Variants in XKR4 observed in about 807,000 individuals in gnomAD.
XKR4 encodes XK related 4, also known as XK-related protein 4.
A neutral mutation model predicts 53.9 loss-of-function variants in XKR4; 12 were observed. The ratio of observed to expected loss-of-function variants is 0.22; its 90% CI spans 0.14 to 0.36. The LOEUF (loss-of-function observed/expected upper bound fraction) is 0.36. Among genes scored for constraint, XKR4 ranks in the 10% least tolerant of loss-of-function variants. The pLI is 1.00. For missense variants in XKR4, 799 were observed against 859.5 expected, an observed-to-expected ratio of 0.93 and a Z score of 0.88; for synonymous variants, 354 against 362.4, an observed-to-expected ratio of 0.98 and a Z score of 0.26.
chr8:55,466,176 A>T (rs1350105039), intron 2 of XKR4, among the ~76,000 whole-genome samples: 1 of 152,156 alleles, frequency 6.6e-6, no homozygotes, highest in Admixed American at 6.5e-5. Flanking sequence ...TGCTATAAAG[A>T]CACATGCATA....
chr8:55,294,081 CA>C (rs1486005006), intron 1 of XKR4, among the ~76,000 whole-genome samples: 1 of 152,200 alleles, frequency 6.6e-6, no homozygotes, highest in Non-Finnish European at 1.5e-5. Context: ...AGCCTTCTAT[CA>C]ACTTACCTTG....
chr8:55,330,350 A>C (rs1803365494), intron 1 of XKR4, among the ~76,000 whole-genome samples: 1 of 152,166 alleles, frequency 6.6e-6, no homozygotes, highest in African/African-American at 2.4e-5. Flanking sequence ...AATTAGAAAA[A>C]TAAAATTATC....
intron 2 of XKR4, among the ~76,000 whole-genome samples, chr8:55,422,898 G>A (rs1804955961): frequency 6.6e-6 from 1 of 152,186 alleles, no homozygotes; most frequent in African/African-American, 2.4e-5. Flanking sequence ...ATAAATGGGT[G>A]ATGGATTGCC....
intron 1 of XKR4, among the ~76,000 whole-genome samples, chr8:55,265,122 G>A (rs1037965865): frequency 1.3e-5 from 2 of 152,192 alleles, no homozygotes; most frequent in African/African-American, 4.8e-5. Flanking sequence ...ATCCTGTCAA[G>A]GAGAAGCTAT....
intron 1 of XKR4, among the ~76,000 whole-genome samples, chr8:55,329,277 C>T (rs1324255271): frequency 6.6e-6 from 1 of 152,104 alleles, no homozygotes; most frequent in Non-Finnish European, 1.5e-5. Context: ...GAGTCTTAAG[C>T]TTGTTTAACC....
At chr8:55,398,876 G>A (rs1300619540) in intron 2 of XKR4, among the ~76,000 whole-genome samples, 1 of 152,136 alleles carries the variant, frequency 6.6e-6, no homozygotes, top group South Asian at 2.1e-4. Flanking sequence ...CGTTGCTTTC[G>A]AATATTATCA....
intron 1 of XKR4, among the ~76,000 whole-genome samples, chr8:55,227,700 A>T (rs924598583): frequency 6.6e-6 from 1 of 152,228 alleles, no homozygotes; most frequent in Non-Finnish European, 1.5e-5. Context: ...GCCTGAGACC[A>T]GGTGGAGACA....
intron 2 of XKR4, among the ~76,000 whole-genome samples, chr8:55,466,491 G>C (rs2939652): frequency 0.41 from 62,308 of 151,770 alleles, 13,470 homozygotes; most frequent in East Asian, 0.53. Context: ...GTTATGGAGT[G>C]GGGGGAGGGG....
At chr8:55,508,035 G>A (rs985468431) in intron 2 of XKR4, among the ~76,000 whole-genome samples, 1 of 152,136 alleles carries the variant, frequency 6.6e-6, no homozygotes, top group Non-Finnish European at 1.5e-5. Context: ...AGCCTTGAAT[G>A]TGGAATTGGT....
At chr8:55,492,625 C>A (rs1806287218) in intron 2 of XKR4, among the ~76,000 whole-genome samples, 1 of 152,208 alleles carries the variant, frequency 6.6e-6, no homozygotes, top group Admixed American at 6.5e-5. Flanking sequence ...GGCCCACATT[C>A]CTGAATGCAA....
intron 2 of XKR4, among the ~76,000 whole-genome samples, chr8:55,470,486 G>A (rs576195417): frequency 6.0e-4 from 91 of 152,220 alleles, no homozygotes; most frequent in Admixed American, 7.2e-4. Context: ...CTGCCGCCAC[G>A]TGAGACATGT....
chr8:55,361,056 A>G (rs1167018293), intron 2 of XKR4, among the ~76,000 whole-genome samples: 2 of 152,206 alleles, frequency 1.3e-5, no homozygotes, highest in African/African-American at 2.4e-5. Flanking sequence ...CACATTGGAC[A>G]TATTACAGGG....
chr8:55,449,377 A>C, intron 2 of XKR4: 1 of 608,714 alleles, frequency 1.6e-6, no homozygotes, highest in Non-Finnish European at 3.0e-6. Flanking sequence ...CTGTACACAC[A>C]AGTGCTGGGG....
chr8:55,280,421 A>C (rs896417340), intron 1 of XKR4, among the ~76,000 whole-genome samples: 5 of 152,184 alleles, frequency 3.3e-5, no homozygotes, highest in Non-Finnish European at 7.3e-5. Context: ...AGTAGCAAAC[A>C]CCCTGCTGTC....
intron 1 of XKR4, among the ~76,000 whole-genome samples, chr8:55,118,348 G>A (rs1476371401): frequency 3.3e-5 from 5 of 152,088 alleles, no homozygotes; most frequent in Non-Finnish European, 5.9e-5. Context: ...GTCATGCTTT[G>A]CATATACTAG....
chr8:55,315,419 C>T (rs1176490162), intron 1 of XKR4, among the ~76,000 whole-genome samples: 4 of 152,184 alleles, frequency 2.6e-5, no homozygotes, highest in African/African-American at 7.2e-5. Context: ...TGTGTGGCAG[C>T]GCCTAACCTG....
chr8:55,277,623 G>A (rs991856666), intron 1 of XKR4, among the ~76,000 whole-genome samples: 2 of 152,090 alleles, frequency 1.3e-5, no homozygotes, highest in Admixed American at 1.3e-4. Context: ...GTCAGGTGTG[G>A]AATTTTCTAC....
chr8:55,266,217 C>T (rs1449132744), intron 1 of XKR4, among the ~76,000 whole-genome samples: 1 of 151,302 alleles, frequency 6.6e-6, no homozygotes, highest in Non-Finnish European at 1.5e-5. Context: ...AACATGGGAG[C>T]AGGTATGAGG....
chr8:55,268,058 C>G (rs1321233214), intron 1 of XKR4, among the ~76,000 whole-genome samples: 1 of 152,150 alleles, frequency 6.6e-6, no homozygotes, highest in East Asian at 1.9e-4. Flanking sequence ...TGCAGTTGGG[C>G]TCTGTCCTAT....
Sources: gnomAD v4.1 joint callset for allele counts (sites outside exome capture counted in the v4.1 genomes callset) on GRCh38, gnomAD v4.1.1 for gene constraint, MANE v1.5 for transcripts, NCBI Gene and HGNC (gene_info 2026-07-23, HGNC 2026-07-21) for gene names.